Variants in USP54 observed in about 807,000 individuals in gnomAD.
USP54 encodes ubiquitin carboxyl-terminal hydrolase 54.
Under a neutral mutation model 170.5 loss-of-function variants are expected in USP54, and 87 were observed. The observed-to-expected ratio is 0.51, with a 90% CI of 0.43 to 0.61. USP54 has a LOEUF of 0.61. Among genes scored for constraint, USP54 ranks in the 20% least tolerant of loss-of-function variants. The pLI is 0.00. For synonymous variants in USP54, 655 were observed against 742.8 expected, an observed-to-expected ratio of 0.88 and a Z score of 1.92; for missense variants, 1,786 against 2,047.8, an observed-to-expected ratio of 0.87 and a Z score of 2.47.
At chr10:73,511,995 C>A (rs1361782012) in intron 20 of USP54, among the ~76,000 whole-genome samples, 1 of 152,136 alleles carries the variant, frequency 6.6e-6, no homozygotes, top group Admixed American at 6.5e-5. Context: ...ATCCACCCGA[C>A]TCAGCCTCCC....
chr10:73,573,020 A>C (rs1162699626), intron 3 of USP54, among the ~76,000 whole-genome samples: 1 of 152,208 alleles, frequency 6.6e-6, no homozygotes, highest in Non-Finnish European at 1.5e-5. Context: ...GTGGTGGCTT[A>C]TGCCTATAAT....
intron 20 of USP54, 24 bp from the exon 21 acceptor site, chr10:73,505,450 A>G: frequency 2.5e-6 from 4 of 1,604,268 alleles, no homozygotes; most frequent in Non-Finnish European, 2.6e-6. Context: ...CACAAATACA[A>G]GTTGAGGCCA....
chr10:73,583,668 G>A (rs1347996605), intron 1 of USP54, among the ~76,000 whole-genome samples: 1 of 152,014 alleles, frequency 6.6e-6, no homozygotes, highest in Non-Finnish European at 1.5e-5. Flanking sequence ...AGGACTTTTT[G>A]AGCCTGGAAA....
At chr10:73,528,132 C>T (rs1001570559) in intron 15 of USP54, among the ~76,000 whole-genome samples, 3 of 152,082 alleles carry the variant, frequency 2.0e-5, no homozygotes, top group African/African-American at 7.2e-5. Context: ...GACGGGGTTT[C>T]ACCATGTTGG....
At position 73,529,879 on chromosome 10, in the gene USP54, G is replaced by T. The variant is rs1296052401; in HGVS notation, c.1861C>A (p.Pro621Thr). Residue 621 changes from proline to threonine, a missense_variant, in exon 15 of 24, where the codon CCA becomes ACA. Around this residue, in one of 3 missense-constraint regions of USP54, gnomAD observed 1,418 missense variants for 1,569.0 expected, o/e 0.90. Transcript: ENST00000687698. ...KEFIPDEPSK[P>T]PSYDIKFGGP... ...CCAAATTTAATGTCGTAAGAAGGTG[G>T]CTTGCTTGGTTCATCTGGTATAAAT... The T allele has an allele frequency of 6.5e-7, 1 of 1,545,864 alleles. No homozygotes were observed. The highest frequency in any genetic ancestry group is 2.1e-5 in the Admixed American group (1 of 47,892).
At chr10:73,611,484 A>G (rs1321885403) in intron 1 of USP54, 1 of 152,058 alleles carries the variant, frequency 6.6e-6, no homozygotes, top group Non-Finnish European at 1.5e-5. Context: ...ACCCAGATCT[A>G]GAAAAAATAA....
chr10:73,534,804 G>A (rs759962900), intron 11 of USP54, 34 bp from the exon 12 acceptor site: 2 of 1,598,624 alleles, frequency 1.3e-6, no homozygotes, highest in Non-Finnish European at 1.7e-6. Flanking sequence ...TGCAAAAAGT[G>A]AGGAAACAGA....
chr10:73,519,854 G>A lies in USP54; in HGVS notation c.2621C>T (p.Pro874Leu), dbSNP rs74645157. Residue 874 changes from proline to leucine, a missense_variant, in exon 19 of 24, where the codon CCG (proline) becomes CTG (leucine). Coordinates refer to ENST00000687698, the MANE Select transcript of USP54 (RefSeq NM_001391956.1). ...TGGGAGGCAGGCTGAGGGCTGCGAC[G>A]GCTGCTGTGGTGATTGCTGCTGCTG... ...RMQQQQSPQQ[P>L]SQPSACLPTQ... 26 of 1,614,114 alleles carry A rather than the reference G, an allele frequency of 1.6e-5. No homozygotes were observed. In the Admixed American group the frequency reaches 2.2e-4, roughly 13 times the overall value.
At chr10:73,558,881 A>G (rs1361563961) in intron 4 of USP54, among the ~76,000 whole-genome samples, 2 of 152,186 alleles carry the variant, frequency 1.3e-5, no homozygotes, top group Non-Finnish European at 2.9e-5. Context: ...ATATTAATAC[A>G]TAGACTACTA....
chr10:73,501,732 C>A (rs2058158507), intron 22 of USP54, among the ~76,000 whole-genome samples: 1 of 152,136 alleles, frequency 6.6e-6, no homozygotes, highest in African/African-American at 2.4e-5. Context: ...CCTATCATTC[C>A]TGGAGCTTTT....
intron 1 of USP54, 22 bp downstream of exon 1, chr10:73,591,256 C>A (rs1917887): frequency 6.6e-6 from 1 of 151,982 alleles, no homozygotes; most frequent in African/African-American, 2.4e-5. Flanking sequence ...TCTGTTTTTA[C>A]CACAACAACT....
At chr10:73,548,238 C>A (rs1158510117) in intron 4 of USP54, among the ~76,000 whole-genome samples, 3 of 152,082 alleles carry the variant, frequency 2.0e-5, no homozygotes, top group African/African-American at 7.2e-5. Context: ...ACAACAGATG[C>A]TGGAGAGGAT....
At chr10:73,623,027 C>T (rs968724284) in intron 1 of USP54, among the ~76,000 whole-genome samples, 3 of 151,926 alleles carry the variant, frequency 2.0e-5, no homozygotes, top group African/African-American at 7.2e-5. Flanking sequence ...TTCTGAGAAA[C>T]TTACTATGTG....
intron 4 of USP54, among the ~76,000 whole-genome samples, chr10:73,564,401 T>C (rs2073817034): frequency 6.6e-6 from 1 of 152,238 alleles, no homozygotes; most frequent in East Asian, 1.9e-4. Context: ...ACACCATTTA[T>C]TGAAAAATCC....
At chr10:73,519,569 G>A in intron 19 of USP54, 2 of 603,300 alleles carry the variant, frequency 3.3e-6, no homozygotes, top group Non-Finnish European at 5.6e-6. Context: ...GGGAAATGTG[G>A]ACAAATGGTC....
At chr10:73,557,406 C>G (rs564971257) in intron 4 of USP54, among the ~76,000 whole-genome samples, 7 of 152,068 alleles carry the variant, frequency 4.6e-5, no homozygotes, top group Admixed American at 1.3e-4. Flanking sequence ...CTGCAACCAC[C>G]ACCTCCCAGG....
At chr10:73,613,659 C>A (rs1289296102) in intron 1 of USP54, among the ~76,000 whole-genome samples, 1 of 151,502 alleles carries the variant, frequency 6.6e-6, no homozygotes, top group Non-Finnish European at 1.5e-5. Flanking sequence ...AGGCCGACCA[C>A]CTGAGGCCAG....
At chr10:73,557,408 C>CCT (rs1002527787) in intron 4 of USP54, among the ~76,000 whole-genome samples, 1 of 151,966 alleles carries the variant, frequency 6.6e-6, no homozygotes, top group Non-Finnish European at 1.5e-5. Flanking sequence ...GCAACCACCA[C>CCT]CTCCCAGGTT....
chr10:73,621,284 T>C lies in USP54; in HGVS notation c.-18+4283A>G, dbSNP rs945783812. Among the ~76,000 whole-genome samples, 5 of 148,908 alleles carry C rather than the reference T, an allele frequency of 3.4e-5. No individual in the cohort carries two copies. In the East Asian group the frequency reaches 9.8e-4, roughly 29 times the overall value. ...TATATAAAAACATGTGACACATACA[T>C]ACATTTTTCTCAATATAAAAAAACT... On this transcript the variant is annotated intron_variant, in intron 1 of 22. Transcript: ENST00000339859.
Sources: gnomAD v4.1 joint callset for allele counts (sites outside exome capture counted in the v4.1 genomes callset) on GRCh38, gnomAD v4.1.1 for gene constraint, gnomAD v4.1.1 regional missense constraint, MANE v1.5 for transcripts, NCBI Gene and HGNC (gene_info 2026-07-23, HGNC 2026-07-21) for gene names.